The following SYNE3 variants were observed in gnomAD, a reference collection of about 807,000 sequenced individuals.
SYNE3 encodes the protein spectrin repeat containing nuclear envelope family member 3, also known as nesprin-3.
A neutral mutation model predicts 111.2 loss-of-function variants in SYNE3; 100 were observed. The observed-to-expected ratio is 0.90, with a 90% CI of 0.77 to 1.06. The LOEUF is 1.06. Among genes scored for constraint, SYNE3 ranks in the 50% least tolerant of loss-of-function variants. SYNE3 has a pLI of 0.00. For synonymous variants in SYNE3, 547 were observed against 533.9 expected, an observed-to-expected ratio of 1.02 and a Z score of -0.34; for missense variants, 1,160 against 1,240.3, an observed-to-expected ratio of 0.94 and a Z score of 0.97.
chr14:95,455,838 C>A (rs978416941), intron 5 of SYNE3, 114 bp from the exon 6 acceptor site: 3 of 1,089,284 alleles, frequency 2.8e-6, no homozygotes, highest in Middle Eastern at 2.1e-4. Flanking sequence ...TGGAGTCCTG[C>A]GTTAGAGCCA....
intron 1 of SYNE3, among the ~76,000 whole-genome samples, chr14:95,492,281 T>G (rs1889886524): frequency 6.6e-6 from 1 of 152,178 alleles, no homozygotes; most frequent in African/African-American, 2.4e-5. Context: ...ACATATATAC[T>G]CAAGAGAAAT....
chr14:95,425,127 T>C (rs1160288581), intron 17 of SYNE3, among the ~76,000 whole-genome samples: 4 of 152,096 alleles, frequency 2.6e-5, no homozygotes, highest in African/African-American at 9.7e-5. Flanking sequence ...GCACCTGTAA[T>C]TCCAGCTACT....
At chr14:95,451,363 G>A (rs936050121) in intron 7 of SYNE3, 12 of 152,136 alleles carry the variant, frequency 7.9e-5, no homozygotes, top group African/African-American at 2.4e-4. Flanking sequence ...TAATTTCTAC[G>A]AATAATTTTT....
chr14:95,424,764 G>T (rs1885342283), intron 17 of SYNE3, among the ~76,000 whole-genome samples: 2 of 152,132 alleles, frequency 1.3e-5, no homozygotes, highest in Non-Finnish European at 2.9e-5. Flanking sequence ...TACTCAAAAA[G>T]GTCAAGGTCA....
chr14:95,436,293 A>G (rs1886081926), intron 15 of SYNE3, among the ~76,000 whole-genome samples: 1 of 152,090 alleles, frequency 6.6e-6, no homozygotes, highest in Non-Finnish European at 1.5e-5. Flanking sequence ...GCCTGCTGCT[A>G]TTGCTCTTTT....
In SYNE3 at chr14:95,417,624, G is replaced by T. The variant is rs1360538640; in HGVS notation, c.*202C>A. 18 of 611,912 alleles carry T rather than the reference G, an allele frequency of 2.9e-5. No homozygotes were observed. The East Asian group carries it at 5.0e-4, about 17-fold the overall frequency. 37.9% of individuals were successfully genotyped at this position (611,912 alleles called of 1,614,324 possible). On this transcript the variant is annotated 3_prime_UTR_variant, in exon 18 of 18. Transcript: ENST00000682763. ...AGACATTATTCCCTAGTCACATGTA[G>T]TACACATTTAGTATAAATAGACTAA...
Position 95,452,262 on chromosome 14 carries a change from A to G in SYNE3, c.1259T>C (p.Ile420Thr), listed in dbSNP as rs777164252. ...TCCCAGATACCTCTGATACTCCTGG[A>G]TGGTAGCGATGACACTATCAGAGAG... ...KPLSDSVIATIQEYQSLKVKS... is the reference protein window; with the variant it reads ...KPLSDSVIATTQEYQSLKVKS... Residue 420 changes from isoleucine to threonine, a missense_variant, in exon 7 of 18, where the codon ATC becomes ACC. Physicochemically the swap from Ile to Thr is moderately conservative, Grantham distance 89. Coordinates refer to ENST00000682763, the MANE Select transcript of SYNE3 (RefSeq NM_152592.6). 2 of 1,610,668 alleles carry G rather than the reference A, an allele frequency of 1.2e-6. No homozygotes were observed. Among genetic ancestry groups the G allele is most frequent in the Non-Finnish European group, 1.7e-6 (2 of 1,177,584 alleles).
At chr14:95,489,160 A>G (rs1889711181) in intron 1 of SYNE3, among the ~76,000 whole-genome samples, 1 of 152,222 alleles carries the variant, frequency 6.6e-6, no homozygotes, top group South Asian at 2.1e-4. Context: ...CTGAGGACAG[A>G]ACCAAGCACC....
chr14:95,479,425 A>G (rs1457123103), intron 1 of SYNE3, among the ~76,000 whole-genome samples: 1 of 152,154 alleles, frequency 6.6e-6, no homozygotes, highest in African/African-American at 2.4e-5. Context: ...ATGCTTGGAA[A>G]TAGTTCCTTT....
intron 2 of SYNE3, among the ~76,000 whole-genome samples, chr14:95,472,332 G>A (rs1460331182): frequency 2.6e-5 from 4 of 152,194 alleles, no homozygotes; most frequent in South Asian, 2.1e-4. Flanking sequence ...GCCTGAGATC[G>A]TGCCACTGCA....
Position 95,485,962 on chromosome 14 carries a change from A to G in SYNE3, c.-14-10127T>C, listed in dbSNP as rs73343121. On this transcript the variant is annotated intron_variant, in intron 1 of 17. Coordinates refer to ENST00000682763, the MANE Select transcript of SYNE3 (RefSeq NM_152592.6). The surrounding 1 kb of genome is among the most constrained non-coding windows in gnomAD (Gnocchi z 4.3). Reference sequence around the variant, plus strand: ...TCAGGGGAGGGACAGAGGTGCAGACAGCAGCCTGCACTCAAGGGGTACACT... The same window carrying G: ...TCAGGGGAGGGACAGAGGTGCAGACGGCAGCCTGCACTCAAGGGGTACACT... Among the ~76,000 whole-genome samples, 8,988 of 152,200 alleles carry G rather than the reference A, an allele frequency of 0.059. 451 individuals are homozygous for G. Among genetic ancestry groups the G allele is most frequent in the African/African-American group, 0.13 (5,594 of 41,492 alleles).
intron 17 of SYNE3, among the ~76,000 whole-genome samples, chr14:95,425,117 G>A (rs1045507875): frequency 7.9e-5 from 12 of 152,116 alleles, no homozygotes; most frequent in African/African-American, 2.2e-4. Context: ...GTGATGGTGG[G>A]CACCTGTAAT....
chr14:95,422,252 CTTGT>C (rs1266644637), intron 17 of SYNE3, among the ~76,000 whole-genome samples: 2 of 152,030 alleles, frequency 1.3e-5, no homozygotes, highest in African/African-American at 4.8e-5. Context: ...CTGGGCTCCA[CTTGT>C]TAGTGAACTC....
rs2139318439 is a variant in SYNE3 at position 95,411,236 on chromosome 14, T to A, written c.*6590A>T. The A allele has an allele frequency of 6.6e-6, 1 of 152,158 alleles. No individual in the cohort carries two copies. Among genetic ancestry groups the A allele is most frequent in the East Asian group, 1.9e-4 (1 of 5,180 alleles). The allele number at this position is 152,158 out of a possible 1,614,324, so 9.4% of individuals were successfully genotyped here. ...TTGGCAGTTCATCCCATTGTCTGCT[T>A]TCTGGGGCTAGTTTGTCTCACCCAA... On this transcript the variant is annotated 3_prime_UTR_variant, in exon 18 of 18. Transcript: ENST00000682763.
At chr14:95,499,695 A>G (rs1890250271) in intron 1 of SYNE3, among the ~76,000 whole-genome samples, 1 of 152,090 alleles carries the variant, frequency 6.6e-6, no homozygotes, top group Admixed American at 6.5e-5. Context: ...GTGGCTAAGT[A>G]ACCTGCCAAA....
At chr14:95,509,405 G>A (rs923736943) in intron 1 of SYNE3, among the ~76,000 whole-genome samples, 6 of 152,174 alleles carry the variant, frequency 3.9e-5, no homozygotes, top group Admixed American at 2.6e-4. Context: ...CGGATAAGCA[G>A]GGAGTCACCT....
At chr14:95,460,367 GTTTTTT>G (rs548346693) in intron 4 of SYNE3, among the ~76,000 whole-genome samples, 5 of 85,244 alleles carry the variant, frequency 5.9e-5, no homozygotes, top group African/African-American at 1.9e-4. Flanking sequence ...ACGATGCCTA[GTTTTTT>G]TTTTTTTTTT....
At chr14:95,484,695 A>C (rs957401160) in intron 1 of SYNE3, among the ~76,000 whole-genome samples, 2 of 152,240 alleles carry the variant, frequency 1.3e-5, no homozygotes, top group Non-Finnish European at 1.5e-5. Flanking sequence ...GTCTTGATCA[A>C]AAGTGCTTTG....
chr14:95,418,119 T>A, intron 17 of SYNE3, 93 bp from the exon 18 acceptor site: 1 of 1,336,788 alleles, frequency 7.5e-7, no homozygotes, highest in Non-Finnish European at 1.1e-6. Context: ...GGAGCGGTGG[T>A]AGCACTGAAC....
Sources: allele counts gnomAD v4.1 joint callset (sites outside exome capture counted in the v4.1 genomes callset), GRCh38; gene constraint gnomAD v4.1.1; non-coding constraint Gnocchi (gnomAD v3.1); transcripts MANE v1.5; gene names NCBI Gene and HGNC (gene_info 2026-07-23, HGNC 2026-07-21).